NRG3: variants seen among roughly 807,000 people sequenced by gnomAD.
The protein encoded by NRG3 is pro-neuregulin-3, membrane-bound isoform.
Under a neutral mutation model 66.9 loss-of-function variants are expected in NRG3, and 31 were observed. That is an observed-to-expected ratio of 0.46 (90% confidence interval 0.35 to 0.63). The LOEUF is 0.63. Among genes scored for constraint, NRG3 ranks in the 20% least tolerant of loss-of-function variants. The pLI, the probability that NRG3 is intolerant of heterozygous loss-of-function variation, is 0.00. For synonymous variants in NRG3, 393 were observed against 359.4 expected (o/e 1.09, Z -1.06); for missense variants, 910 against 878.9 (o/e 1.04, Z -0.45).
chr10:82,291,964 T>C (rs544172350), intron 1 of NRG3, among the ~76,000 whole-genome samples: 152 of 152,164 alleles, frequency 1.0e-3, no homozygotes, highest in Non-Finnish European at 1.8e-3. Flanking sequence ...AAGGGAAATG[T>C]TGATGAAGTC....
intron 2 of NRG3, among the ~76,000 whole-genome samples, chr10:82,661,052 A>G (rs540250939): frequency 2.6e-5 from 4 of 152,324 alleles, no homozygotes; most frequent in African/African-American, 9.6e-5. Context: ...GCAGGCATAC[A>G]TTAATTCCTT....
chr10:82,467,799 A>C (rs111681368), intron 2 of NRG3, among the ~76,000 whole-genome samples: 3 of 152,190 alleles, frequency 2.0e-5, no homozygotes, highest in African/African-American at 7.2e-5. Context: ...AGTCATAAGT[A>C]TATTTGATTT....
intron 2 of NRG3, among the ~76,000 whole-genome samples, chr10:82,718,450 C>A (rs937618238): frequency 2.1e-4 from 32 of 152,256 alleles, no homozygotes; most frequent in African/African-American, 7.5e-4. Context: ...ATTAAAAGTT[C>A]TACTATATAA....
intron 2 of NRG3, among the ~76,000 whole-genome samples, chr10:82,463,750 A>ATTCTTGTACAAATG (rs1222692716): frequency 1.3e-5 from 2 of 152,172 alleles, no homozygotes; most frequent in Non-Finnish European, 1.5e-5. Context: ...TGAATCCAGA[A>ATTCTTGTACAAATG]CCTATGCATT....
At chr10:82,024,675 T>A (rs10748870) in intron 1 of NRG3, among the ~76,000 whole-genome samples, 146,256 of 152,010 alleles carry the variant, frequency 0.96, 70,409 homozygotes, top group African/African-American at 0.99. Context: ...TAGGACTTGG[T>A]CTCCTCAGGT....
intron 2 of NRG3, among the ~76,000 whole-genome samples, chr10:82,411,478 C>T (rs1400947072): frequency 1.3e-5 from 2 of 152,082 alleles, no homozygotes; most frequent in African/African-American, 2.4e-5. Context: ...GTCTCAGAGC[C>T]TCTGTCGTCC....
intron 3 of NRG3, among the ~76,000 whole-genome samples, chr10:82,790,648 C>A (rs1232673346): frequency 7.2e-5 from 11 of 152,054 alleles, no homozygotes; most frequent in African/African-American, 2.7e-4. Flanking sequence ...GCCATAATTT[C>A]TTCAAGTATT....
chr10:82,077,531 A>AGAGATG (rs2065155534), intron 1 of NRG3, among the ~76,000 whole-genome samples: 1 of 152,202 alleles, frequency 6.6e-6, no homozygotes, highest in East Asian at 1.9e-4. Flanking sequence ...TCTTGTAACT[A>AGAGATG]TAACTTCTGT....
chr10:82,289,658 T>G (rs1000763168), intron 1 of NRG3, among the ~76,000 whole-genome samples: 1 of 152,224 alleles, frequency 6.6e-6, no homozygotes, highest in East Asian at 1.9e-4. Context: ...CACGAAGTTT[T>G]GTATAATATA....
chr10:82,556,035 C>T (rs2044628425), intron 2 of NRG3, among the ~76,000 whole-genome samples: 1 of 152,138 alleles, frequency 6.6e-6, no homozygotes. Flanking sequence ...TCACCAAATT[C>T]AGTTGCCCCG....
At chr10:82,049,044 C>A (rs906285806) in intron 1 of NRG3, among the ~76,000 whole-genome samples, 1 of 152,056 alleles carries the variant, frequency 6.6e-6, no homozygotes, top group Admixed American at 6.6e-5. Flanking sequence ...CAGGACTAAA[C>A]CAGGAAGAAG....
rs139616418 is a variant in NRG3, at chr10:82,405,814, C to T, written c.953+46946C>T. ...GCTTAGAAAGATTATTAAAATATTT[C>T]GCAAATGATTGGACCCTGAGTAGAT... On this transcript the variant is annotated intron_variant, in intron 2 of 8. Coordinates refer to ENST00000372141, the MANE Select transcript of NRG3 (RefSeq NM_001010848.4). Among the ~76,000 whole-genome samples the T allele has an allele frequency of 1.2e-3, 189 of 152,234 alleles. 2 individuals carry two copies. Among genetic ancestry groups the T allele is most frequent in the African/African-American group, 4.3e-3 (177 of 41,546 alleles).
chr10:82,270,296 T>C (rs1485394567), intron 1 of NRG3, among the ~76,000 whole-genome samples: 1 of 152,180 alleles, frequency 6.6e-6, no homozygotes, highest in Non-Finnish European at 1.5e-5. Flanking sequence ...TGTCACTCTC[T>C]ATCCCTGCTT....
chr10:82,409,405 C>T (rs1386865473), intron 2 of NRG3, among the ~76,000 whole-genome samples: 1 of 152,096 alleles, frequency 6.6e-6, no homozygotes, highest in Non-Finnish European at 1.5e-5. Context: ...CCATTAAGAA[C>T]ACATGAGATC....
At chr10:82,626,564 G>A (rs984233220) in intron 2 of NRG3, among the ~76,000 whole-genome samples, 1 of 152,000 alleles carries the variant, frequency 6.6e-6, no homozygotes, top group Non-Finnish European at 1.5e-5. Flanking sequence ...TTCTCTTGGG[G>A]GTAAGTGTGA....
At chr10:81,971,128 A>G (rs1473614386) in intron 1 of NRG3, among the ~76,000 whole-genome samples, 1 of 152,226 alleles carries the variant, frequency 6.6e-6, no homozygotes. Flanking sequence ...CAACAAGAGC[A>G]AACACTCCGT....
chr10:82,928,126 G>C (rs891608483), intron 4 of NRG3, among the ~76,000 whole-genome samples: 2 of 152,036 alleles, frequency 1.3e-5, no homozygotes, highest in Non-Finnish European at 2.9e-5. Flanking sequence ...ATGTTTGCTG[G>C]CTATATAAAT....
intron 2 of NRG3, among the ~76,000 whole-genome samples, chr10:82,452,453 G>T (rs896943860): frequency 1.3e-5 from 2 of 152,114 alleles, no homozygotes; most frequent in Non-Finnish European, 2.9e-5. Context: ...ATTCCTTGTG[G>T]TTTCTGTTAT....
At chr10:81,970,735 G>A (rs1301953920) in intron 1 of NRG3, among the ~76,000 whole-genome samples, 1 of 152,094 alleles carries the variant, frequency 6.6e-6, no homozygotes, top group Non-Finnish European at 1.5e-5. Flanking sequence ...TTCCAAAACT[G>A]CATATCTCAT....
Sources: allele counts gnomAD v4.1 joint callset (sites outside exome capture counted in the v4.1 genomes callset), GRCh38; gene constraint gnomAD v4.1.1; transcripts MANE v1.5; gene names NCBI Gene and HGNC (gene_info 2026-07-23, HGNC 2026-07-21).